The following HNRNPH1 variants were observed in gnomAD, a reference collection of about 807,000 sequenced individuals.
The protein encoded by HNRNPH1 is heterogeneous nuclear ribonucleoprotein H1.
A neutral mutation model predicts 58.6 loss-of-function variants in HNRNPH1; 4 were observed. The ratio of observed to expected loss-of-function variants is 0.07; its 90% CI spans 0.03 to 0.16. HNRNPH1 has a LOEUF of 0.16. HNRNPH1 is among the 10% of genes least tolerant of loss of function. The pLI, the probability that HNRNPH1 is intolerant of heterozygous loss-of-function variation, is 1.00. For missense variants in HNRNPH1, 271 were observed against 564.2 expected, an observed-to-expected ratio of 0.48 and a Z score of 5.26; for synonymous variants, 192 against 189.2, an observed-to-expected ratio of 1.01 and a Z score of -0.12.
exon 1 of HNRNPH1, chr5:179,624,341 C>G (rs1295718377): frequency 3.3e-5 from 13 of 395,206 alleles, no homozygotes; most frequent in African/African-American, 1.4e-4. Context: ...CCTAGGGCCC[C>G]GGTCGGCGCG....
chr5:179,632,352 C>A (rs1774912513), intron 2 of HNRNPH1, among the ~76,000 whole-genome samples: 1 of 152,166 alleles, frequency 6.6e-6, no homozygotes, highest in Admixed American at 6.5e-5. Context: ...CGGTTAGAGC[C>A]CGGGTATGGG....
chr5:179,623,215 G>C, exon 1 of HNRNPH1: 3 of 1,017,090 alleles, frequency 2.9e-6, no homozygotes, highest in Non-Finnish European at 4.4e-6. Context: ...GCTGTCCTTC[G>C]CCTCCGAGGC....
chr5:179,616,608 C>T (rs561972286), intron 10 of HNRNPH1: 344 of 531,912 alleles, frequency 6.5e-4, no homozygotes, highest in Non-Finnish European at 9.8e-4. Flanking sequence ...TTGATTTAAA[C>T]TTTATACTTA....
upstream of HNRNPH1, among the ~76,000 whole-genome samples, chr5:179,626,119 T>G (rs924147479): frequency 2.6e-5 from 4 of 151,518 alleles, no homozygotes; most frequent in Non-Finnish European, 4.4e-5. Flanking sequence ...TTTGGTTTTG[T>G]TTTTGAGACA....
At chr5:179,616,709 A>C in intron 10 of HNRNPH1, 160 bp downstream of exon 11, 1 of 656,866 alleles carries the variant, frequency 1.5e-6, no homozygotes, top group Non-Finnish European at 2.6e-6. Context: ...TTCATAACTC[A>C]CAAGGATTTA....
At chr5:179,631,753 A>AT (rs909991846) in intron 2 of HNRNPH1, among the ~76,000 whole-genome samples, 3 of 150,980 alleles carry the variant, frequency 2.0e-5, no homozygotes, top group African/African-American at 7.3e-5. Flanking sequence ...AAAAAAAAAA[A>AT]TTTTTTTTTT....
chr5:179,620,870 A>T (rs928446533), intron 3 of HNRNPH1, 22 bp downstream of exon 4: 11 of 1,611,458 alleles, frequency 6.8e-6, no homozygotes, highest in Non-Finnish European at 6.8e-6. Flanking sequence ...CTCACTGCTC[A>T]GCAACAAACA....
chr5:179,615,945 T>C, intron 11 of HNRNPH1, 181 bp downstream of exon 12: 1 of 577,836 alleles, frequency 1.7e-6, no homozygotes. Flanking sequence ...TACATTTGGA[T>C]TGAAAGCATA....
chr5:179,632,185 G>A (rs1581775741), intron 2 of HNRNPH1, among the ~76,000 whole-genome samples: 1 of 152,142 alleles, frequency 6.6e-6, no homozygotes, highest in African/African-American at 2.4e-5. Context: ...GCGGGTGCCT[G>A]TAGTCCCAGC....
chr5:179,622,349 T>G (rs1772860005), intron 1 of HNRNPH1, among the ~76,000 whole-genome samples: 1 of 152,222 alleles, frequency 6.6e-6, no homozygotes, highest in Non-Finnish European at 1.5e-5. Context: ...CTATTATTTG[T>G]CTAATCACTC....
intron 1 of HNRNPH1, among the ~76,000 whole-genome samples, chr5:179,622,458 C>A (rs1035224819): frequency 3.3e-5 from 5 of 152,174 alleles, no homozygotes; most frequent in Non-Finnish European, 7.3e-5. Context: ...CGCCTGTAAT[C>A]CCAGCATTTT....
chr5:179,621,330 G>A (rs751375457), exon 2 of HNRNPH1: 7 of 1,613,616 alleles, frequency 4.3e-6, no homozygotes, highest in East Asian at 2.2e-5. Context: ...CAAAAGCCTC[G>A]CCACTTGGTC....
At chr5:179,621,206 C>A in intron 2 of HNRNPH1, 36 bp downstream of exon 3, 1 of 1,593,866 alleles carries the variant, frequency 6.3e-7, no homozygotes, top group Non-Finnish European at 8.6e-7. Context: ...TTGTTTAATG[C>A]TTTATTTACT....
At chr5:179,621,743 G>C (rs905648482) in intron 1 of HNRNPH1, 1 of 372,402 alleles carries the variant, frequency 2.7e-6, no homozygotes, top group Non-Finnish European at 5.2e-6. Flanking sequence ...AACATACTTC[G>C]TTGCGAGCTG....
intron 10 of HNRNPH1, 181 bp downstream of exon 11, chr5:179,616,688 T>C: frequency 1.6e-6 from 1 of 627,444 alleles, no homozygotes; most frequent in South Asian, 2.1e-5. Flanking sequence ...GAATTATCTA[T>C]CCTAAGGAAC....
At chr5:179,625,923 C>A (rs550442064), upstream of HNRNPH1, among the ~76,000 whole-genome samples, 37 of 143,720 alleles carry the variant, frequency 2.6e-4, no homozygotes, top group African/African-American at 9.1e-4. Context: ...CATGTGCCAC[C>A]TTGCTCAGAT....
intron 2 of HNRNPH1, among the ~76,000 whole-genome samples, chr5:179,632,077 C>CG (rs1479440586): frequency 7.6e-6 from 1 of 130,958 alleles, no homozygotes; most frequent in Non-Finnish European, 1.8e-5. Flanking sequence ...GAGGCCGAGG[C>CG]GGGCGGATCA....
chr5:179,629,108 T>A (rs562960057), upstream of HNRNPH1: 1 of 134,796 alleles, frequency 7.4e-6, no homozygotes, highest in South Asian at 2.3e-4. Flanking sequence ...CCATCCTGGA[T>A]AACACAGTGA....
Position 179,621,402 on chromosome 5 carries a change from A to G in HNRNPH1, c.98-5T>C. ...CCCCATTTTGAATTTTGCAGTCTGG[A>G]AAGAAAACAACCGTTAATACAGAAT... is the stretch of plus-strand genomic sequence containing the variant. On this transcript the variant is annotated splice_polypyrimidine_tract_variant and splice_region_variant and intron_variant, in intron 1 of 12. Transcript: ENST00000356731. The G allele has an allele frequency of 6.2e-7, 1 of 1,612,312 alleles. No individual in the cohort carries two copies. The highest frequency in any genetic ancestry group is 8.5e-7 in the Non-Finnish European group (1 of 1,179,480).
Sources: gnomAD v4.1 joint callset for allele counts (sites outside exome capture counted in the v4.1 genomes callset) on GRCh38, gnomAD v4.1.1 for gene constraint, MANE v1.5 for transcripts, NCBI Gene and HGNC (gene_info 2026-07-23, HGNC 2026-07-21) for gene names.